Variants in NDRG2 observed in about 807,000 individuals in gnomAD.
NDRG2 encodes the protein NDRG family member 2, also known as protein NDRG2.
In NDRG2, 34 loss-of-function variants were observed where a neutral mutation model predicts 58.2. The ratio of observed to expected loss-of-function variants is 0.58; its 90% CI spans 0.44 to 0.78. The LOEUF (loss-of-function observed/expected upper bound fraction) is 0.78. Ranked by LOEUF, NDRG2 falls within the 30% of genes least tolerant of loss-of-function variation. NDRG2 has a pLI of 0.00. For missense variants in NDRG2, 434 were observed against 471.2 expected (o/e 0.92, Z 0.73); for synonymous variants, 187 against 175.9 (o/e 1.06, Z -0.50).
chr14:21,052,342 G>A (rs898118006), intron 1 of NDRG2, among the ~76,000 whole-genome samples: 7 of 152,172 alleles, frequency 4.6e-5, no homozygotes, highest in Non-Finnish European at 8.8e-5. Flanking sequence ...AAACAAGGTA[G>A]TACACGATTT....
Position 21,024,875 on chromosome 14 carries a change from GC to G in NDRG2, c.-853del. On this transcript the variant is annotated 5_prime_UTR_variant, in exon 1 of 16. Coordinates refer to ENST00000556147, the MANE Select transcript of NDRG2 (RefSeq NM_001320329.2). ...CCAAACACGCCCTGCAGCTCTTGGA[GC>G]CTCAGCCTTTGTGCGCAGCAACCGA... 1.0e-6 allele frequency: 1 copy of G among 985,662 alleles called. No individual in the cohort carries two copies. Among genetic ancestry groups the G allele is most frequent in the Non-Finnish European group, 1.2e-6 (1 of 830,092 alleles). 61.1% of individuals were successfully genotyped at this position (985,662 alleles called of 1,614,324 possible).
upstream of NDRG2, among the ~76,000 whole-genome samples, chr14:21,027,380 T>C (rs576335160): frequency 4.3e-4 from 65 of 152,092 alleles, no homozygotes; most frequent in South Asian, 0.012. Context: ...AAATTCAAAG[T>C]GTGCATCTGG....
At position 21,017,501 on chromosome 14, in the gene NDRG2, C is replaced by T. The variant is rs1028802204; in HGVS notation, c.*95G>A. The stretch of plus-strand genomic sequence containing the variant: ...CTCCCCGCATGATCTGCCCTTTTTC[C>T]CTTGCTTACGGTGGCCCAATGCCCC... On this transcript the variant is annotated 3_prime_UTR_variant, in exon 16 of 16. Transcript: ENST00000556147. 5 of 1,382,192 alleles carry T rather than the reference C, an allele frequency of 3.6e-6. No homozygotes were observed. Among genetic ancestry groups the T allele is most frequent in the South Asian group, 1.4e-5 (1 of 69,462 alleles). 85.6% of individuals were successfully genotyped at this position (1,382,192 alleles called of 1,614,324 possible). A position where few individuals can be genotyped will look rare whatever the true frequency, so the allele number is the denominator to read the frequency against.
chr14:21,031,853 A>G (rs1199559414), intron 1 of NDRG2: 6 of 1,598,142 alleles, frequency 3.8e-6, no homozygotes, highest in Admixed American at 3.4e-5. Context: ...TGACAGCGTA[A>G]GGAAAGGAAG....
In NDRG2 at chr14:21,020,784, A is replaced by G; in HGVS notation, c.468T>C (p.Ala156=). 1 of 1,614,028 alleles carries G rather than the reference A, an allele frequency of 6.2e-7. No individual in the cohort carries two copies. ...GAGAYILARY[A]LNHPDTVEGL... The stretch of plus-strand genomic sequence containing the variant: ...CTCCTCTGGGCTTTTTATTTCTTAC[A>G]GCATATCTCGCCAGGATGTAGGCTC... The change falls in exon 7 of 16, where the codon GCT becomes GCC. Residue 156 remains alanine, a splice_region_variant and synonymous_variant. Transcript: ENST00000556147.
intron 1 of NDRG2, chr14:21,032,194 A>T (rs1566488294): frequency 9.4e-7 from 1 of 1,068,404 alleles, no homozygotes; most frequent in Non-Finnish European, 1.4e-6. Flanking sequence ...TGTGAGGGAC[A>T]GATGAGCCTA....
At chr14:21,052,143 G>A (rs1241923755) in intron 1 of NDRG2, among the ~76,000 whole-genome samples, 1 of 152,210 alleles carries the variant, frequency 6.6e-6, no homozygotes, top group African/African-American at 2.4e-5. Flanking sequence ...GTTATAAATA[G>A]TAAGAAGACT....
intron 1 of NDRG2, among the ~76,000 whole-genome samples, chr14:21,052,612 G>A (rs371547257): frequency 6.6e-6 from 1 of 152,222 alleles, no homozygotes; most frequent in East Asian, 1.9e-4. Context: ...TCGGAGGGAA[G>A]ATAGGGAGGC....
intron 1 of NDRG2, among the ~76,000 whole-genome samples, chr14:21,056,394 C>G (rs1483725828): frequency 6.6e-6 from 1 of 152,100 alleles, no homozygotes; most frequent in Non-Finnish European, 1.5e-5. Flanking sequence ...TCAAAGAATA[C>G]TAGTGTTACT....
intron 11 of NDRG2, 115 bp downstream of exon 11, chr14:21,019,001 G>A: frequency 1.6e-6 from 2 of 1,288,894 alleles, no homozygotes; most frequent in African/African-American, 3.0e-5. Flanking sequence ...CAAATAGGAT[G>A]GGGTGGGACA....
rs1886705324 is a variant in NDRG2 at position 21,070,702 on chromosome 14, G to A, written c.24+126C>T. 2 of 1,137,368 alleles carry A rather than the reference G, an allele frequency of 1.8e-6. No individual in the cohort carries two copies. The highest frequency in any genetic ancestry group is 1.5e-5 in the African/African-American group (1 of 65,316). 70.5% of individuals were successfully genotyped at this position (1,137,368 alleles called of 1,614,324 possible). On this transcript the variant is annotated intron_variant, in intron 1 of 14. Coordinates refer to the NDRG2 transcript ENST00000403829. This position sits in a 1 kb window ranked among gnomAD's most constrained non-coding sequence, Gnocchi z 4.7. ...TCCCCGCCCTCCTCTGTCCTGACCT[G>A]TGCCTTCCTTTCCTGGAGCTTCCCT...
At chr14:21,029,503 A>G (rs1221786710), upstream of NDRG2, among the ~76,000 whole-genome samples, 1 of 152,180 alleles carries the variant, frequency 6.6e-6, no homozygotes, top group African/African-American at 2.4e-5. Context: ...AGGCTGAGGC[A>G]TGAGAGTCGC....
upstream of NDRG2, chr14:21,025,600 G>A (rs1234884433): frequency 1.2e-5 from 12 of 985,454 alleles, no homozygotes; most frequent in Non-Finnish European, 3.6e-6. The surrounding 1 kb of genome is among the most constrained non-coding windows in gnomAD (Gnocchi z 5.1). Flanking sequence ...GGGCAGGTGT[G>A]CTGGCGCCGA....
intron 1 of NDRG2, among the ~76,000 whole-genome samples, chr14:21,053,869 C>G (rs1353651176): frequency 1.3e-5 from 2 of 152,160 alleles, no homozygotes; most frequent in African/African-American, 2.4e-5. Flanking sequence ...CTCGGAAGTG[C>G]CTTCCTGCTT....
intron 6 of NDRG2, chr14:21,021,582 G>T: frequency 1.8e-6 from 1 of 543,904 alleles, no homozygotes; most frequent in Non-Finnish European, 3.3e-6. Flanking sequence ...CTGAGGCAGG[G>T]CCAAGCATAG....
chr14:21,037,500 ACATTTTTGGTTGT>A (rs1393744479), intron 1 of NDRG2, among the ~76,000 whole-genome samples: 1 of 152,222 alleles, frequency 6.6e-6, no homozygotes, highest in Non-Finnish European at 1.5e-5. Context: ...ATGTCTGGAG[ACATTTTTGGTTGT>A]CACAACCAGG....
rs1325757780 is a variant in NDRG2 at position 21,016,915 on chromosome 14, C to G, written c.*681G>C. The G allele has an allele frequency of 4.4e-6, 2 of 456,666 alleles. No homozygotes were observed. The highest frequency in any genetic ancestry group is 2.0e-5 in the African/African-American group (1 of 50,176). 28.3% of individuals were successfully genotyped at this position (456,666 alleles called of 1,614,324 possible). A position where few individuals can be genotyped will look rare whatever the true frequency, so the allele number is the denominator to read the frequency against. On this transcript the variant is annotated 3_prime_UTR_variant, in exon 16 of 16. Transcript: ENST00000556147. ...CCCAAGCAGCCCAGCCCAAGCTTAG[C>G]TCCCTCCCCAGTCCCACTCTAGATG...
chr14:21,067,232 C>G (rs1355641095), intron 1 of NDRG2, among the ~76,000 whole-genome samples: 3 of 151,998 alleles, frequency 2.0e-5, no homozygotes, highest in Non-Finnish European at 4.4e-5. Flanking sequence ...CTGGAAATGT[C>G]TTCGGAATTA....
At chr14:21,031,006 G>T (rs1476842298) in intron 1 of NDRG2, 1 of 1,601,182 alleles carries the variant, frequency 6.2e-7, no homozygotes, top group Non-Finnish European at 8.5e-7. Flanking sequence ...CTGTCTAACT[G>T]ACCAGGGCCA....
Sources: allele counts gnomAD v4.1 joint callset (sites outside exome capture counted in the v4.1 genomes callset), GRCh38; gene constraint gnomAD v4.1.1; non-coding constraint Gnocchi (gnomAD v3.1); transcripts MANE v1.5; gene names NCBI Gene and HGNC (gene_info 2026-07-23, HGNC 2026-07-21).